The following ENTREP1 variants were observed in gnomAD, a reference collection of about 807,000 sequenced individuals.
The protein encoded by ENTREP1 is endosomal transmembrane epsin interactor 1.
the ENTREP1 span, among the ~76,000 whole-genome samples, chr9:69,372,974 T>C: frequency 2.0e-5 from 3 of 152,304 alleles, no homozygotes; most frequent in African/African-American, 7.2e-5. Context: ...TATTTGTATG[T>C]CTTCATTAAA....
the ENTREP1 span, among the ~76,000 whole-genome samples, chr9:69,335,439 A>G: frequency 6.6e-6 from 1 of 152,162 alleles, no homozygotes; most frequent in Non-Finnish European, 1.5e-5. Context: ...AGCTGGGAGG[A>G]CACAGCACTT....
the ENTREP1 span, chr9:69,325,266 C>A: frequency 2.0e-6 from 2 of 978,084 alleles, no homozygotes; most frequent in Non-Finnish European, 1.2e-6. Context: ...GTCCTCTGCC[C>A]GCCGCAGCCG....
At chr9:69,388,634 C>T in the ENTREP1 span, among the ~76,000 whole-genome samples, 2 of 152,126 alleles carry the variant, frequency 1.3e-5, no homozygotes, top group Non-Finnish European at 2.9e-5. Context: ...AGTGTGGTAA[C>T]TTTCCCACAT....
At chr9:69,388,510 T>A in the ENTREP1 span, 2 of 1,314,908 alleles carry the variant, frequency 1.5e-6, no homozygotes, top group Non-Finnish European at 2.1e-6. Context: ...GCAGCTAAAG[T>A]GGCTTCTCCG....
At chr9:69,325,094 C>T in the ENTREP1 span, 2 of 985,350 alleles carry the variant, frequency 2.0e-6, no homozygotes, top group Non-Finnish European at 2.4e-6. Context: ...CAGCGGGAGG[C>T]GGACCCGCCA....
chr9:69,384,486 A>G, the ENTREP1 span, among the ~76,000 whole-genome samples: 81 of 152,346 alleles, frequency 5.3e-4, no homozygotes, highest in African/African-American at 1.8e-3. Flanking sequence ...AAAATTAGCT[A>G]GACTTTTGTC....
At chr9:69,362,123 C>A in the ENTREP1 span, among the ~76,000 whole-genome samples, 1 of 152,036 alleles carries the variant, frequency 6.6e-6, no homozygotes, top group Non-Finnish European at 1.5e-5. Flanking sequence ...TTTATTTAAA[C>A]CTGCACAGTG....
the ENTREP1 span, among the ~76,000 whole-genome samples, chr9:69,348,821 C>T: frequency 2.0e-5 from 3 of 152,134 alleles, no homozygotes; most frequent in South Asian, 6.2e-4. Context: ...AATTGTATTC[C>T]ATTATATGGA....
At chr9:69,357,349 C>A in the ENTREP1 span, among the ~76,000 whole-genome samples, 1 of 152,208 alleles carries the variant, frequency 6.6e-6, no homozygotes, top group South Asian at 2.1e-4. Context: ...AAGCAAGAGG[C>A]CTTTCATCCC....
At chr9:69,325,101 G>T in the ENTREP1 span, 1 of 985,398 alleles carries the variant, frequency 1.0e-6, no homozygotes, top group Non-Finnish European at 1.2e-6. Context: ...AGGCGGACCC[G>T]CCAGGCGGCA....
chr9:69,385,657 G>A, the ENTREP1 span: 1 of 1,313,090 alleles, frequency 7.6e-7, no homozygotes, highest in Non-Finnish European at 9.7e-7. Context: ...AGCAGCCTGA[G>A]TAAATGTTAT....
chr9:69,390,560 T>C, the ENTREP1 span, among the ~76,000 whole-genome samples: 1 of 152,210 alleles, frequency 6.6e-6, no homozygotes. Flanking sequence ...TAAAGACTTT[T>C]TACAAATAAA....
the ENTREP1 span, chr9:69,387,019 G>C: frequency 6.6e-6 from 1 of 152,226 alleles, no homozygotes; most frequent in Non-Finnish European, 1.5e-5. Flanking sequence ...CACAGCTTAG[G>C]GAAATCTTTC....
the ENTREP1 span, chr9:69,329,648 G>A: frequency 1.1e-5 from 11 of 985,212 alleles, no homozygotes; most frequent in African/African-American, 8.7e-5. Context: ...CCCAAAATTC[G>A]TGAAGCTAAG....
the ENTREP1 span, chr9:69,388,500 G>A: frequency 7.1e-7 from 1 of 1,418,348 alleles, no homozygotes; most frequent in Non-Finnish European, 9.5e-7. Context: ...CATTTTCATA[G>A]CAGCTAAAGT....
chr9:69,377,168 T>C, the ENTREP1 span, among the ~76,000 whole-genome samples: 1 of 152,234 alleles, frequency 6.6e-6, no homozygotes, highest in Non-Finnish European at 1.5e-5. Flanking sequence ...GAAGTACACA[T>C]TATTGCATGA....
chr9:69,340,291 C>G, the ENTREP1 span, among the ~76,000 whole-genome samples: 1 of 152,156 alleles, frequency 6.6e-6, no homozygotes, highest in African/African-American at 2.4e-5. Context: ...TCACATGAGT[C>G]TAGAACACAT....
the ENTREP1 span, chr9:69,377,761 C>T: frequency 1.2e-6 from 2 of 1,600,838 alleles, no homozygotes; most frequent in East Asian, 2.2e-5. Flanking sequence ...TTCCTGAGTT[C>T]CCCTGCAGTC....
the ENTREP1 span, chr9:69,325,488 C>A: frequency 1.1e-6 from 1 of 939,578 alleles, no homozygotes; most frequent in Non-Finnish European, 1.3e-6. Context: ...CGCTGCGCGG[C>A]CACCGCTGCT....
Sources: allele counts gnomAD v4.1 joint callset (sites outside exome capture counted in the v4.1 genomes callset), GRCh38; gene constraint gnomAD v4.1.1; transcripts MANE v1.5; gene names NCBI Gene and HGNC (gene_info 2026-07-23, HGNC 2026-07-21).